The following ACTL8 variants were observed in gnomAD, a reference collection of about 807,000 sequenced individuals.
The protein encoded by ACTL8 is actin-like protein 8.
A neutral mutation model predicts 9.3 loss-of-function variants in ACTL8; 3 were observed. That is an observed-to-expected ratio of 0.32 (90% CI 0.15 to 0.83). The LOEUF is 0.83. Among genes scored for constraint, ACTL8 ranks in the 40% least tolerant of loss-of-function variants. ACTL8 has a pLI of 0.57. For synonymous variants in ACTL8, 224 were observed against 205.9 expected, an observed-to-expected ratio of 1.09 and a Z score of -0.75; for missense variants, 381 against 492.2, an observed-to-expected ratio of 0.77 and a Z score of 2.14.
chr1:17,785,065 G>A (rs990160580), intron 1 of ACTL8, among the ~76,000 whole-genome samples: 64 of 150,282 alleles, frequency 4.3e-4, no homozygotes, highest in African/African-American at 1.5e-3. Flanking sequence ...CACGGGAACA[G>A]CATGGGAAAG....
At chr1:17,775,145 C>A (rs935019542) in intron 1 of ACTL8, among the ~76,000 whole-genome samples, 2 of 152,218 alleles carry the variant, frequency 1.3e-5, no homozygotes, top group African/African-American at 4.8e-5. Context: ...TAGCCTGATG[C>A]TCTCTAAATA....
rs1451702110 is a variant in ACTL8, at chr1:17,823,861, G to A, written c.348+505G>A. Among the ~76,000 whole-genome samples the A allele has an allele frequency of 6.6e-6, 1 of 152,200 alleles. No individual in the cohort carries two copies. Among genetic ancestry groups the A allele is most frequent in the Non-Finnish European group, 1.5e-5 (1 of 68,030 alleles). Reference sequence around the variant, plus strand: ...GGAGGCCCCACCTGCAGACGGACATGCAGCAACCAACGTGCTTGGTGGAAA... The same window carrying A: ...GGAGGCCCCACCTGCAGACGGACATACAGCAACCAACGTGCTTGGTGGAAA... On this transcript the variant is annotated intron_variant, in intron 2 of 2. Coordinates refer to ENST00000375406, the MANE Select transcript of ACTL8 (RefSeq NM_030812.3). This position sits in a 1 kb window ranked among gnomAD's most constrained non-coding sequence, Gnocchi z 5.3.
chr1:17,798,936 A>C (rs1330808915), intron 1 of ACTL8, among the ~76,000 whole-genome samples: 1 of 152,100 alleles, frequency 6.6e-6, no homozygotes, highest in East Asian at 1.9e-4. Context: ...TATCTACCCC[A>C]CACGCTGTTT....
At chr1:17,788,397 C>T (rs920263389) in intron 1 of ACTL8, among the ~76,000 whole-genome samples, 3 of 152,240 alleles carry the variant, frequency 2.0e-5, no homozygotes, top group Non-Finnish European at 4.4e-5. Context: ...GCTGCTGCCT[C>T]AGCTCAGAGC....
chr1:17,815,819 C>T (rs1438860800), intron 1 of ACTL8, among the ~76,000 whole-genome samples: 1 of 152,036 alleles, frequency 6.6e-6, no homozygotes. Flanking sequence ...TTATATTGCC[C>T]CACAGGTCTC....
rs185743288 is a variant in ACTL8 at position 17,826,568 on chromosome 1, C to A, written c.*49C>A. On this transcript the variant is annotated 3_prime_UTR_variant, in exon 3 of 3. Transcript: ENST00000375406. The surrounding 1 kb of genome is among the most constrained non-coding windows in gnomAD (Gnocchi z 4.5). ...TGGGCTCCTGTTAGATGGGCACGGG[C>A]GGATTAATTTTAGCAAAATGTTCTG... The A allele has an allele frequency of 1.4e-6, 2 of 1,454,292 alleles. No homozygotes were observed. Among genetic ancestry groups the A allele is most frequent in the Admixed American group, 2.4e-5 (1 of 41,762 alleles). 90.1% of individuals were successfully genotyped at this position (1,454,292 alleles called of 1,614,324 possible). A position where few individuals can be genotyped will look rare whatever the true frequency, so the allele number is the denominator to read the frequency against.
intron 1 of ACTL8, among the ~76,000 whole-genome samples, chr1:17,782,293 C>T (rs1466081473): frequency 6.6e-6 from 1 of 152,166 alleles, no homozygotes; most frequent in Admixed American, 6.5e-5. Context: ...AGGGCCATTG[C>T]TTTCGCTTCT....
At chr1:17,808,093 T>A (rs993266489) in intron 1 of ACTL8, among the ~76,000 whole-genome samples, 2 of 152,236 alleles carry the variant, frequency 1.3e-5, no homozygotes, top group African/African-American at 4.8e-5. Context: ...TGTCTAGGAC[T>A]CACTGAGAAT....
intron 1 of ACTL8, among the ~76,000 whole-genome samples, chr1:17,764,985 A>G (rs1229903431): frequency 1.3e-5 from 2 of 152,232 alleles, no homozygotes; most frequent in Non-Finnish European, 2.9e-5. Context: ...CCACCCAGGT[A>G]AAGCCACCAT....
chr1:17,812,620 A>G (rs1163274297), intron 1 of ACTL8, among the ~76,000 whole-genome samples: 2 of 131,466 alleles, frequency 1.5e-5, no homozygotes, highest in Non-Finnish European at 3.2e-5. Context: ...TTTGTATTTT[A>G]GTAGAGATGG....
intron 1 of ACTL8, among the ~76,000 whole-genome samples, chr1:17,788,373 G>T (rs1570015919): frequency 6.6e-6 from 1 of 152,092 alleles, no homozygotes; most frequent in African/African-American, 2.4e-5. Flanking sequence ...GACTGGGGCC[G>T]GGAGTCAAGG....
At position 17,812,796 on chromosome 1, in the gene ACTL8, T is replaced by C. The variant is rs558246513; in HGVS notation, c.-24-10189T>C. 2.0e-5 allele frequency among the ~76,000 whole-genome samples: 3 copies of C among 152,194 alleles called. No homozygotes were observed. The East Asian group carries it at 5.8e-4, about 29-fold the overall frequency. On this transcript the variant is annotated intron_variant, in intron 1 of 2. Coordinates refer to ENST00000375406, the MANE Select transcript of ACTL8 (RefSeq NM_030812.3). The stretch of plus-strand genomic sequence containing the variant: ...GCCTGAGCCACCACACCTGGCCATC[T>C]CTCTATTTAGGTTTTCTTTGATTTA...
At chr1:17,795,812 T>A (rs1171409794) in intron 1 of ACTL8, among the ~76,000 whole-genome samples, 1 of 152,186 alleles carries the variant, frequency 6.6e-6, no homozygotes, top group Non-Finnish European at 1.5e-5. Flanking sequence ...TTCGAGGTGG[T>A]GAGTGCAATA....
intron 1 of ACTL8, among the ~76,000 whole-genome samples, chr1:17,792,645 AC>A (rs1046786281): frequency 3.3e-5 from 5 of 151,988 alleles, no homozygotes; most frequent in Non-Finnish European, 7.4e-5. Context: ...TCCTGCCATT[AC>A]CTTTGTGTTG....
chr1:17,776,808 C>G (rs2066120963), intron 1 of ACTL8, among the ~76,000 whole-genome samples: 1 of 151,856 alleles, frequency 6.6e-6, no homozygotes, highest in African/African-American at 2.4e-5. Flanking sequence ...TTTCCTCTTT[C>G]CTTTTTCTTT....
intron 1 of ACTL8, among the ~76,000 whole-genome samples, chr1:17,762,563 C>G (rs766913116): frequency 1.3e-5 from 2 of 152,182 alleles, no homozygotes; most frequent in South Asian, 2.1e-4. Context: ...GGGTCCCTTT[C>G]TCTCGGCCAG....
At chr1:17,822,646 G>C (rs1171600180) in intron 1 of ACTL8, among the ~76,000 whole-genome samples, 1 of 152,170 alleles carries the variant, frequency 6.6e-6, no homozygotes, top group Non-Finnish European at 1.5e-5. Flanking sequence ...TGCTGAGTCT[G>C]CCAAGAGTAA....
intron 1 of ACTL8, among the ~76,000 whole-genome samples, chr1:17,760,777 G>A (rs2065996363): frequency 2.0e-5 from 3 of 152,164 alleles, no homozygotes; most frequent in Admixed American, 1.3e-4. Context: ...CCAGCCCCCT[G>A]ACAATCACCT....
intron 1 of ACTL8, among the ~76,000 whole-genome samples, chr1:17,820,135 C>G (rs1281608449): frequency 2.0e-5 from 3 of 152,216 alleles, no homozygotes; most frequent in Non-Finnish European, 4.4e-5. Flanking sequence ...ATCATGGCCC[C>G]AAATTCTGCC....
Sources: allele counts gnomAD v4.1 joint callset (sites outside exome capture counted in the v4.1 genomes callset), GRCh38; gene constraint gnomAD v4.1.1; non-coding constraint Gnocchi (gnomAD v3.1); transcripts MANE v1.5; gene names NCBI Gene and HGNC (gene_info 2026-07-23, HGNC 2026-07-21).